Variants in CFAP299 observed in about 807,000 individuals in gnomAD.
The protein encoded by CFAP299 is cilia- and flagella-associated protein 299.
Under a neutral mutation model 27.0 loss-of-function variants are expected in CFAP299, and 21 were observed. The ratio of observed to expected loss-of-function variants is 0.78; its 90% confidence interval spans 0.55 to 1.12. CFAP299 has a LOEUF of 1.12. Ranked by LOEUF, CFAP299 falls within the 50% of genes most tolerant of loss-of-function variation. The probability of loss-of-function intolerance (pLI) is 0.00; values close to 1 mark genes in which losing one functional copy is unlikely to be tolerated. For synonymous variants in CFAP299, 104 were observed against 98.1 expected (o/e 1.06, Z -0.36); for missense variants, 310 against 276.6 (o/e 1.12, Z -0.86).
At chr4:80,663,411 T>C (rs140504798) in intron 3 of CFAP299, among the ~76,000 whole-genome samples, 1,874 of 152,276 alleles carry the variant, frequency 0.012, 38 homozygotes, top group African/African-American at 0.042. Flanking sequence ...CTGTGTTAGT[T>C]TGCAGAGAAT....
At chr4:80,662,458 T>A (rs1740901940) in intron 3 of CFAP299, among the ~76,000 whole-genome samples, 1 of 150,344 alleles carries the variant, frequency 6.7e-6, no homozygotes, top group South Asian at 2.1e-4. Flanking sequence ...TCAGATAATA[T>A]CAGTAAGGGT....
In CFAP299 at chr4:80,828,097, T is replaced by C. The variant is rs371835318; in HGVS notation, c.334-41896T>C. 6.6e-5 allele frequency among the ~76,000 whole-genome samples: 10 copies of C among 152,006 alleles called. No homozygotes were observed. In the East Asian group the frequency reaches 1.9e-3, roughly 29 times the overall value. On this transcript the variant is annotated intron_variant, in intron 3 of 5. Transcript: ENST00000358105. ...CATGTTCATGGAGCGAAAGACAGTATTGATAAAATGTTCGTATTATGGAAG... is the reference window on the plus strand; with the variant it reads ...CATGTTCATGGAGCGAAAGACAGTACTGATAAAATGTTCGTATTATGGAAG...
intron 2 of CFAP299, among the ~76,000 whole-genome samples, chr4:80,486,248 C>T (rs1296376414): frequency 6.6e-6 from 1 of 152,184 alleles, no homozygotes; most frequent in Non-Finnish European, 1.5e-5. Context: ...TCTCACTACC[C>T]TTGTTTTCTA....
rs542923444 is a variant in CFAP299, at chr4:80,394,694, A to G, written c.242+31810A>G. 5.8e-4 allele frequency among the ~76,000 whole-genome samples: 88 copies of G among 152,174 alleles called. 1 individual carries two copies. The highest frequency in any genetic ancestry group is 2.0e-3 in the African/African-American group (83 of 41,530). ...TTTTGAAGAGAATGTCCTTTCCCCA[A>G]TGTGTGTTCTTGGCACTTTCTGCAA... On this transcript the variant is annotated intron_variant, in intron 2 of 5. Transcript: ENST00000358105.
intron 4 of CFAP299, among the ~76,000 whole-genome samples, chr4:80,880,689 G>A (rs1330838934): frequency 6.6e-5 from 10 of 151,992 alleles, no homozygotes; most frequent in East Asian, 1.9e-4. Flanking sequence ...TCACACCACC[G>A]TACTCCAGGC....
the CFAP299 span, among the ~76,000 whole-genome samples, chr4:80,323,565 C>G: frequency 6.6e-6 from 1 of 151,928 alleles, no homozygotes; most frequent in Non-Finnish European, 1.5e-5. Flanking sequence ...ATCCAAAGAC[C>G]TACATAAAAA....
intron 4 of CFAP299, among the ~76,000 whole-genome samples, chr4:80,916,522 G>C (rs893827365): frequency 2.6e-5 from 4 of 151,588 alleles, no homozygotes; most frequent in African/African-American, 7.3e-5. Context: ...TCAAGCATAG[G>C]TCTAAGTTGC....
intron 3 of CFAP299, among the ~76,000 whole-genome samples, chr4:80,791,086 A>C (rs900326550): frequency 6.6e-6 from 1 of 152,104 alleles, no homozygotes; most frequent in Admixed American, 6.6e-5. Flanking sequence ...GTTTTCAATG[A>C]CTAGCTCTTA....
In CFAP299 at chr4:80,868,342, T is replaced by A. The variant is rs75023042; in HGVS notation, c.334-1651T>A. 5.3e-3 allele frequency among the ~76,000 whole-genome samples: 801 copies of A among 152,316 alleles called. 7 individuals carry two copies. The highest frequency in any genetic ancestry group is 0.018 in the African/African-American group (761 of 41,570). On this transcript the variant is annotated intron_variant, in intron 3 of 5. Transcript: ENST00000358105. ...GAGCAATGATCTGATGTTAGTCAAA[T>A]CCCTCATTATTGTTTTGGTCTGAAG...
intron 3 of CFAP299, among the ~76,000 whole-genome samples, chr4:80,813,917 A>C (rs1038998882): frequency 6.6e-6 from 1 of 152,018 alleles, no homozygotes; most frequent in South Asian, 2.1e-4. Context: ...AATTTGTTTC[A>C]TCTATTTTCT....
chr4:80,558,657 A>G (rs1381318278), intron 2 of CFAP299, among the ~76,000 whole-genome samples: 2 of 151,800 alleles, frequency 1.3e-5, no homozygotes, highest in African/African-American at 2.4e-5. Context: ...CCCAGATGCG[A>G]CTTAGACTAT....
At chr4:80,489,586 T>G (rs1731011654) in intron 2 of CFAP299, among the ~76,000 whole-genome samples, 1 of 152,160 alleles carries the variant, frequency 6.6e-6, no homozygotes, top group African/African-American at 2.4e-5. Context: ...TTATGTATAA[T>G]GAAGCACTTT....
chr4:80,749,637 T>C (rs1355780746), intron 3 of CFAP299, among the ~76,000 whole-genome samples: 1 of 152,196 alleles, frequency 6.6e-6, no homozygotes, highest in Non-Finnish European at 1.5e-5. Flanking sequence ...ACCACTAATG[T>C]AAGTCCAAGA....
chr4:80,694,930 C>T (rs2110020898), intron 3 of CFAP299, among the ~76,000 whole-genome samples: 1 of 152,206 alleles, frequency 6.6e-6, no homozygotes, highest in African/African-American at 2.4e-5. Flanking sequence ...TTCTCCATAA[C>T]CTGAATTTTT....
At chr4:80,519,071 T>TA (rs1732762744) in intron 2 of CFAP299, among the ~76,000 whole-genome samples, 1 of 152,136 alleles carries the variant, frequency 6.6e-6, no homozygotes, top group African/African-American at 2.4e-5. Context: ...AAATAATAAT[T>TA]AATTTTTTCT....
At position 80,902,312 on chromosome 4, in the gene CFAP299, C is replaced by CAT. The variant is rs1431107899; in HGVS notation, c.476+32186_476+32187dup. ...TGTTTCTTTATATCATTATTTTATC[C>CAT]ATATATATATGGATTATTATTTTAT... On this transcript the variant is annotated intron_variant, in intron 4 of 5. Coordinates refer to ENST00000358105, the MANE Select transcript of CFAP299 (RefSeq NM_152770.3). 4.8e-5 allele frequency among the ~76,000 whole-genome samples: 7 copies of CAT among 146,604 alleles called. No homozygotes were observed. In the South Asian group the frequency reaches 6.5e-4, roughly 14 times the overall value.
chr4:80,810,207 TA>T (rs1185694576), intron 3 of CFAP299, among the ~76,000 whole-genome samples: 1 of 152,042 alleles, frequency 6.6e-6, no homozygotes, highest in Non-Finnish European at 1.5e-5. Context: ...CTGTATTTTT[TA>T]GAATGATCTT....
At chr4:80,847,287 T>C (rs1446778234) in intron 3 of CFAP299, among the ~76,000 whole-genome samples, 1 of 152,200 alleles carries the variant, frequency 6.6e-6, no homozygotes, top group Non-Finnish European at 1.5e-5. Context: ...TATAAAACTC[T>C]AGCAAGAAGG....
At chr4:80,715,266 T>C (rs1373506571) in intron 3 of CFAP299, among the ~76,000 whole-genome samples, 1 of 152,052 alleles carries the variant, frequency 6.6e-6, no homozygotes, top group Non-Finnish European at 1.5e-5. Flanking sequence ...GGTTGGAACA[T>C]AGTAAAGAAA....
Sources: allele counts gnomAD v4.1 joint callset (sites outside exome capture counted in the v4.1 genomes callset), GRCh38; gene constraint gnomAD v4.1.1; transcripts MANE v1.5; gene names NCBI Gene and HGNC (gene_info 2026-07-23, HGNC 2026-07-21).